The following UBR3 variants were observed in gnomAD, a reference collection of about 807,000 sequenced individuals.
The protein encoded by UBR3 is ubiquitin protein ligase E3 component n-recognin 3.
In UBR3, 85 loss-of-function variants were observed where a neutral mutation model predicts 243.2. That is an observed-to-expected ratio of 0.35 (90% confidence interval 0.29 to 0.42). The LOEUF (loss-of-function observed/expected upper bound fraction) is 0.42. Among genes scored for constraint, UBR3 ranks in the 10% least tolerant of loss-of-function variants. UBR3 has a pLI of 1.00. For missense variants in UBR3, 1,686 were observed against 2,300.8 expected, an observed-to-expected ratio of 0.73 and a Z score of 5.47; for synonymous variants, 748 against 799.8, an observed-to-expected ratio of 0.94 and a Z score of 1.09.
At chr2:170,004,869 C>G (rs751646109) in intron 27 of UBR3, among the ~76,000 whole-genome samples, 15 of 151,904 alleles carry the variant, frequency 9.9e-5, no homozygotes, top group Non-Finnish European at 1.6e-4. Flanking sequence ...TGAGATTGTG[C>G]TATTGCACTC....
At chr2:169,957,295 G>T (rs1285801586) in intron 23 of UBR3, among the ~76,000 whole-genome samples, 2 of 150,710 alleles carry the variant, frequency 1.3e-5, no homozygotes, top group African/African-American at 2.4e-5. Context: ...GCAACCAGTT[G>T]CAATTAAAAT....
At chr2:169,989,616 C>A (rs1043740797) in intron 25 of UBR3, among the ~76,000 whole-genome samples, 5 of 152,108 alleles carry the variant, frequency 3.3e-5, no homozygotes, top group African/African-American at 7.2e-5. Flanking sequence ...AAAGAAATTT[C>A]ACTTCATCAC....
At chr2:169,994,542 G>C in intron 26 of UBR3, 86 bp downstream of exon 26, 3 of 1,438,590 alleles carry the variant, frequency 2.1e-6, no homozygotes, top group Non-Finnish European at 2.8e-6. Flanking sequence ...TTACCAAAAT[G>C]GCATTCTGAT....
chr2:170,003,938 C>A (rs1233614097), intron 27 of UBR3, among the ~76,000 whole-genome samples: 1 of 152,204 alleles, frequency 6.6e-6, no homozygotes, highest in Non-Finnish European at 1.5e-5. Context: ...CTGTGCCTGG[C>A]CATCTGCCAG....
chr2:169,987,845 A>G (rs963696769), intron 25 of UBR3, among the ~76,000 whole-genome samples: 1 of 152,054 alleles, frequency 6.6e-6, no homozygotes. Flanking sequence ...ACTCCCCTGA[A>G]TTCAAATATG....
At chr2:170,077,974 C>T (rs541240920) in intron 36 of UBR3, 133 of 606,590 alleles carry the variant, frequency 2.2e-4, no homozygotes, top group African/African-American at 1.6e-3. Context: ...TTTCTCTTTT[C>T]ATTTCGGCTT....
intron 18 of UBR3, among the ~76,000 whole-genome samples, chr2:169,932,440 T>G (rs1484067545): frequency 1.3e-5 from 2 of 152,126 alleles, no homozygotes; most frequent in Non-Finnish European, 2.9e-5. Context: ...GTTTAATACT[T>G]TTTTTGGGAA....
chr2:169,992,355 A>T (rs929790548), intron 25 of UBR3, among the ~76,000 whole-genome samples: 1 of 152,188 alleles, frequency 6.6e-6, no homozygotes, highest in Admixed American at 6.5e-5. Flanking sequence ...ATGCTTCTCA[A>T]ACTTGTCCAA....
In UBR3 at chr2:169,905,098, G is replaced by C; in HGVS notation, c.1466-16G>C. ...AAATCTTATGAAATTTTTGGGTTGT[G>C]TGTGTCTTTTTTTAGATGAAGAAAA... is the stretch of plus-strand genomic sequence containing the variant. On this transcript the variant is annotated splice_polypyrimidine_tract_variant and intron_variant, in intron 8 of 38. Coordinates refer to ENST00000272793, the MANE Select transcript of UBR3 (RefSeq NM_172070.4). 6.9e-7 allele frequency: 1 copy of C among 1,446,876 alleles called. No homozygotes were observed. Among genetic ancestry groups the C allele is most frequent in the Non-Finnish European group, 9.1e-7 (1 of 1,098,604 alleles). The allele number at this position is 1,446,876 out of a possible 1,614,324, so 89.6% of individuals were successfully genotyped here. A position where few individuals can be genotyped will look rare whatever the true frequency, so the allele number is the denominator to read the frequency against.
chr2:169,949,409 C>G (rs1183998904), intron 22 of UBR3, 196 bp from the exon 23 acceptor site: 3 of 496,082 alleles, frequency 6.0e-6, no homozygotes, highest in Non-Finnish European at 1.0e-5. Context: ...CTCCTTATTA[C>G]TGTTTCTAGA....
At chr2:170,034,658 A>G (rs997232892) in intron 31 of UBR3, among the ~76,000 whole-genome samples, 4 of 152,006 alleles carry the variant, frequency 2.6e-5, no homozygotes, top group South Asian at 2.1e-4. Flanking sequence ...TTTTGCGTAT[A>G]TAAGTTTTCA....
intron 5 of UBR3, among the ~76,000 whole-genome samples, chr2:169,887,785 T>G (rs1476794838): frequency 6.6e-6 from 1 of 150,968 alleles, no homozygotes; most frequent in Admixed American, 6.6e-5. Context: ...CTTTCTTTCT[T>G]TTTTTTTTGA....
At chr2:170,077,590 G>A (rs778505110) in intron 36 of UBR3, 4 of 522,766 alleles carry the variant, frequency 7.7e-6, no homozygotes, top group African/African-American at 2.0e-5. Flanking sequence ...TCTCTTTCCT[G>A]TTGGAATAAC....
At chr2:169,957,625 T>C (rs937950998) in intron 23 of UBR3, among the ~76,000 whole-genome samples, 2 of 151,162 alleles carry the variant, frequency 1.3e-5, no homozygotes, top group African/African-American at 2.4e-5. Context: ...GACGAGTTAA[T>C]GGGTGCAGCA....
intron 30 of UBR3, 128 bp from the exon 31 acceptor site, chr2:170,029,218 A>G (rs535483010): frequency 5.8e-5 from 40 of 685,830 alleles, no homozygotes; most frequent in Non-Finnish European, 9.3e-5. Flanking sequence ...TTGGGACTTA[A>G]ACTTGGTGAA....
intron 27 of UBR3, 110 bp from the exon 28 acceptor site, chr2:170,006,880 A>T: frequency 1.2e-6 from 1 of 866,512 alleles, no homozygotes; most frequent in Non-Finnish European, 1.8e-6. Context: ...GACATATATT[A>T]GAGATGTCTT....
chr2:169,859,933 G>A (rs2083030519), intron 1 of UBR3, among the ~76,000 whole-genome samples: 1 of 151,910 alleles, frequency 6.6e-6, no homozygotes, highest in Non-Finnish European at 1.5e-5. Flanking sequence ...TGGCCAAGAT[G>A]TTCTGGATCT....
intron 35 of UBR3, among the ~76,000 whole-genome samples, chr2:170,070,547 C>T (rs547290872): frequency 2.5e-4 from 38 of 152,084 alleles, no homozygotes; most frequent in African/African-American, 7.9e-4. Flanking sequence ...TAAAACAGTT[C>T]GTTTGCAAAT....
chr2:169,990,751 A>G (rs1330487535), intron 25 of UBR3, among the ~76,000 whole-genome samples: 1 of 151,498 alleles, frequency 6.6e-6, no homozygotes, highest in Non-Finnish European at 1.5e-5. Context: ...ACACACACAT[A>G]AAAGAAAAGA....
Sources: allele counts gnomAD v4.1 joint callset (sites outside exome capture counted in the v4.1 genomes callset), GRCh38; gene constraint gnomAD v4.1.1; transcripts MANE v1.5; gene names NCBI Gene and HGNC (gene_info 2026-07-23, HGNC 2026-07-21).